Variants in USH2A observed in about 807,000 individuals in gnomAD.
USH2A encodes the protein Usher syndrome 2A (autosomal recessive, mild).
USH2A carries 443 observed loss-of-function variants against 538.9 expected under a neutral mutation model. The ratio of observed to expected loss-of-function variants is 0.82; its 90% confidence interval spans 0.76 to 0.89. The LOEUF is 0.89. Among genes scored for constraint, USH2A ranks in the 40% least tolerant of loss-of-function variants. The probability of loss-of-function intolerance (pLI) is 0.00; values close to 1 mark genes in which losing one functional copy is unlikely to be tolerated. For missense variants in USH2A, 6,633 were observed against 6,324.8 expected, an observed-to-expected ratio of 1.05 and a Z score of -1.65; for synonymous variants, 2,413 against 2,273.5, an observed-to-expected ratio of 1.06 and a Z score of -1.75.
chr1:216,135,318 G>A (rs2033464108), intron 21 of USH2A, among the ~76,000 whole-genome samples: 1 of 151,558 alleles, frequency 6.6e-6, no homozygotes, highest in African/African-American at 2.4e-5. Context: ...AAATGATAAA[G>A]AACAAGTGAA....
intron 32 of USH2A, among the ~76,000 whole-genome samples, chr1:216,009,981 C>T (rs1171575852): frequency 1.3e-5 from 2 of 152,108 alleles, no homozygotes; most frequent in African/African-American, 2.4e-5. Flanking sequence ...CCCTGAGAAG[C>T]TTTACAGCCC....
intron 11 of USH2A, among the ~76,000 whole-genome samples, chr1:216,270,525 CA>C (rs2102580173): frequency 6.6e-6 from 1 of 152,208 alleles, no homozygotes; most frequent in African/African-American, 2.4e-5. Context: ...TATACATCCA[CA>C]AGCTATGCAC....
Position 215,671,001 on chromosome 1 carries a change from G to A in USH2A, c.14104C>T (p.Leu4702=). The change falls in exon 64 of 72, where the codon CTA becomes TTA. Residue 4702 remains leucine (L), a synonymous_variant. Transcript: ENST00000307340. ...GSSTSFIDSE[L]LPFTEYEYQV... is the part of the protein sequence containing the mutation. Reference sequence around the variant, plus strand: ...TACTCATACTCTGTGAAAGGCAATAGTTCGGAATCTATAAAAGATGTTGAG... The same window carrying A: ...TACTCATACTCTGTGAAAGGCAATAATTCGGAATCTATAAAAGATGTTGAG... 1 of 1,614,158 alleles carries A rather than the reference G, an allele frequency of 6.2e-7. No individual in the cohort carries two copies. The highest frequency in any genetic ancestry group is 2.2e-5 in the East Asian group (1 of 44,874).
chr1:215,879,345 T>C (rs1173794341), intron 41 of USH2A, among the ~76,000 whole-genome samples: 1 of 152,236 alleles, frequency 6.6e-6, no homozygotes, highest in Non-Finnish European at 1.5e-5. Flanking sequence ...ACTGTCAGAC[T>C]GATACACACC....
chr1:215,703,371 C>A (rs1659088600), intron 61 of USH2A, among the ~76,000 whole-genome samples: 1 of 152,194 alleles, frequency 6.6e-6, no homozygotes, highest in Non-Finnish European at 1.5e-5. Context: ...CTCTTCAGAG[C>A]CAGCAGGCAG....
At chr1:215,656,117 T>G (rs1401300080) in intron 64 of USH2A, among the ~76,000 whole-genome samples, 1 of 152,204 alleles carries the variant, frequency 6.6e-6, no homozygotes, top group African/African-American at 2.4e-5. Context: ...CAAATAGATA[T>G]TAAAAAGGTC....
At chr1:215,894,577 C>A (rs967199908) in intron 40 of USH2A, among the ~76,000 whole-genome samples, 2 of 152,118 alleles carry the variant, frequency 1.3e-5, no homozygotes, top group Admixed American at 1.3e-4. Context: ...CACATCCCTC[C>A]CCTTCATTCC....
At chr1:215,828,567 A>G (rs1465905591) in intron 47 of USH2A, among the ~76,000 whole-genome samples, 1 of 152,234 alleles carries the variant, frequency 6.6e-6, no homozygotes, top group Non-Finnish European at 1.5e-5. Context: ...TGTGTATAAG[A>G]ATATCATTGA....
chr1:216,222,600 CAG>C (rs1431370675), intron 14 of USH2A, among the ~76,000 whole-genome samples: 2 of 152,068 alleles, frequency 1.3e-5, no homozygotes, highest in Non-Finnish European at 2.9e-5. Context: ...GGGTAAGAGT[CAG>C]AGAGAAAACA....
chr1:215,691,561 T>C (rs1658613631), intron 61 of USH2A, among the ~76,000 whole-genome samples: 1 of 152,160 alleles, frequency 6.6e-6, no homozygotes, highest in African/African-American at 2.4e-5. Flanking sequence ...ACTGACCCAC[T>C]CTCCTCCCTG....
chr1:215,701,183 T>G (rs916925326), intron 61 of USH2A, among the ~76,000 whole-genome samples: 11 of 152,346 alleles, frequency 7.2e-5, no homozygotes, highest in Admixed American at 2.6e-4. Context: ...CTGTTATGAT[T>G]TCCATTCTTT....
At chr1:215,756,665 C>A (rs1660801487) in intron 58 of USH2A, among the ~76,000 whole-genome samples, 1 of 152,276 alleles carries the variant, frequency 6.6e-6, no homozygotes, top group Non-Finnish European at 1.5e-5. Flanking sequence ...GTGGCTCATG[C>A]CCGTAATCCC....
Position 216,327,585 on chromosome 1 carries a change from G to C in USH2A, c.848+6C>G, listed in dbSNP as rs760329471. 1.2e-6 allele frequency: 2 copies of C among 1,612,962 alleles called. No homozygotes were observed. Among genetic ancestry groups the C allele is most frequent in the South Asian group, 2.2e-5 (2 of 91,068 alleles). On this transcript the variant is annotated splice_donor_region_variant and intron_variant, in intron 5 of 71. Coordinates refer to ENST00000307340, the MANE Select transcript of USH2A (RefSeq NM_206933.4). ...TCTTGAGGTTTACAATGCAACATCT[G>C]CTTACCTGTTTGTAAGTGCCACTTG...
chr1:215,888,702 G>T lies in USH2A; in HGVS notation c.7947C>A (p.His2649Gln). The change falls in exon 41 of 72, where the codon CAC (histidine) becomes CAA (glutamine). Residue 2649 changes from histidine (H) to glutamine (Q), a missense_variant. Coordinates refer to ENST00000307340, the MANE Select transcript of USH2A (RefSeq NM_206933.4). The stretch of plus-strand genomic sequence containing the variant: ...TGAAATTCTCCACCAAGCCATTGGG[G>T]TGGGTAGGGGGTTGCCAAGATATAA... ...SVIISWQPPT[H>Q]PNGLVENFTI... 1 of 1,614,186 alleles carries T rather than the reference G, an allele frequency of 6.2e-7. No homozygotes were observed. The highest frequency in any genetic ancestry group is 8.5e-7 in the Non-Finnish European group (1 of 1,180,016).
At chr1:215,957,738 A>G (rs1303033702) in intron 37 of USH2A, among the ~76,000 whole-genome samples, 1 of 152,116 alleles carries the variant, frequency 6.6e-6, no homozygotes, top group Non-Finnish European at 1.5e-5. Context: ...ATCTCAGGTG[A>G]ACTCACTCCT....
At chr1:215,876,801 G>A (rs1010384091) in intron 43 of USH2A, among the ~76,000 whole-genome samples, 1 of 152,070 alleles carries the variant, frequency 6.6e-6, no homozygotes, top group Non-Finnish European at 1.5e-5. Context: ...GGCAACTATG[G>A]GGAAAAGCTG....
At chr1:215,992,051 T>C (rs762172724) in intron 35 of USH2A, among the ~76,000 whole-genome samples, 1 of 152,172 alleles carries the variant, frequency 6.6e-6, no homozygotes, top group Non-Finnish European at 1.5e-5. Flanking sequence ...CTCAAATATA[T>C]CTAGTGCATT....
intron 21 of USH2A, among the ~76,000 whole-genome samples, chr1:216,169,391 G>A (rs2034233815): frequency 6.6e-6 from 1 of 152,078 alleles, no homozygotes. Context: ...CTTTTAAAAG[G>A]CAAGGGTTAA....
intron 15 of USH2A, among the ~76,000 whole-genome samples, chr1:216,213,210 C>T (rs781184132): frequency 2.7e-4 from 41 of 152,042 alleles, no homozygotes; most frequent in Non-Finnish European, 4.3e-4. Flanking sequence ...TAGAACATTG[C>T]TGAATTTGTT....
Sources: allele counts gnomAD v4.1 joint callset (sites outside exome capture counted in the v4.1 genomes callset), GRCh38; gene constraint gnomAD v4.1.1; transcripts MANE v1.5; gene names NCBI Gene and HGNC (gene_info 2026-07-23, HGNC 2026-07-21).